Variants in CCSER1 observed in about 807,000 individuals in gnomAD.
CCSER1 encodes coiled-coil serine rich protein 1, also known as serine-rich coiled-coil domain-containing protein 1.
Under a neutral mutation model 82.0 loss-of-function variants are expected in CCSER1, and 41 were observed. The observed-to-expected ratio is 0.50, with a 90% CI of 0.39 to 0.65. The LOEUF is 0.65. CCSER1 is among the 30% of genes least tolerant of loss of function. The pLI is 0.00. For missense variants in CCSER1, 1,119 were observed against 1,064.2 expected (o/e 1.05, Z -0.72); for synonymous variants, 414 against 383.9 (o/e 1.08, Z -0.92).
intron 1 of CCSER1, among the ~76,000 whole-genome samples, chr4:90,297,103 T>C (rs1732115577): frequency 6.6e-6 from 1 of 152,090 alleles, no homozygotes; most frequent in Non-Finnish European, 1.5e-5. Flanking sequence ...ATTTTCACAA[T>C]ATTGATTCTT....
intron 1 of CCSER1, among the ~76,000 whole-genome samples, chr4:90,226,738 C>T (rs776634960): frequency 7.9e-5 from 12 of 152,186 alleles, no homozygotes; most frequent in Non-Finnish European, 1.8e-4. Flanking sequence ...CTTGGTCTTC[C>T]TTCAAGAAAG....
intron 10 of CCSER1, among the ~76,000 whole-genome samples, chr4:91,427,051 C>T (rs547354229): frequency 3.7e-4 from 56 of 152,212 alleles, no homozygotes; most frequent in Middle Eastern, 3.4e-3. Context: ...GTATTCAACT[C>T]TAGCAGCTAG....
At chr4:90,623,458 G>A (rs962188200) in intron 5 of CCSER1, among the ~76,000 whole-genome samples, 3 of 152,206 alleles carry the variant, frequency 2.0e-5, no homozygotes, top group East Asian at 3.9e-4. Flanking sequence ...AAAGAGCAAA[G>A]AGGCAGCTGT....
chr4:91,572,471 T>A (rs2110288196), intron 10 of CCSER1, among the ~76,000 whole-genome samples: 1 of 152,176 alleles, frequency 6.6e-6, no homozygotes, highest in Admixed American at 6.5e-5. Flanking sequence ...CCTGGTTGCC[T>A]CAAACACTTC....
chr4:90,930,960 T>TG (rs1296866323), intron 9 of CCSER1, among the ~76,000 whole-genome samples: 2 of 139,250 alleles, frequency 1.4e-5, no homozygotes, highest in African/African-American at 5.5e-5. Flanking sequence ...TATATATACA[T>TG]ACATGATACA....
chr4:90,562,854 A>T (rs866718321), intron 5 of CCSER1, among the ~76,000 whole-genome samples: 4,071 of 144,366 alleles, frequency 0.028, 179 homozygotes, highest in African/African-American at 0.098. Context: ...TTTTTTTTTA[A>T]AAAAAAAAAA....
rs140687661 is a variant in CCSER1, at chr4:90,579,341, G to A, written c.1725-48684G>A. ...CAATTTGAGGTGACGACTTTACTAA[G>A]TGTTCTCTAATCTGACTTTGTTTTC... On this transcript the variant is annotated intron_variant, in intron 5 of 10. Transcript: ENST00000509176. 2.3e-3 allele frequency among the ~76,000 whole-genome samples: 352 copies of A among 152,254 alleles called. 1 individual carries two copies. Among genetic ancestry groups the A allele is most frequent in the African/African-American group, 7.7e-3 (319 of 41,544 alleles).
intron 3 of CCSER1, among the ~76,000 whole-genome samples, chr4:90,354,734 G>A (rs1020834755): frequency 6.6e-6 from 1 of 152,024 alleles, no homozygotes; most frequent in Admixed American, 6.6e-5. Context: ...ATCATTTTAA[G>A]TACTACAAGA....
chr4:90,411,798 C>A (rs750333698), intron 4 of CCSER1, among the ~76,000 whole-genome samples: 431 of 152,156 alleles, frequency 2.8e-3, no homozygotes, highest in Non-Finnish European at 5.0e-3. Flanking sequence ...AAGGAAATAG[C>A]GGGCATTCAA....
intron 5 of CCSER1, among the ~76,000 whole-genome samples, chr4:90,545,714 C>T (rs1776675980): frequency 6.6e-6 from 1 of 152,102 alleles, no homozygotes; most frequent in Non-Finnish European, 1.5e-5. Flanking sequence ...TTGGTTCAAG[C>T]ATGAATATCT....
At chr4:90,766,228 A>G (rs1030859010) in intron 7 of CCSER1, among the ~76,000 whole-genome samples, 1 of 152,130 alleles carries the variant, frequency 6.6e-6, no homozygotes, top group Non-Finnish European at 1.5e-5. Flanking sequence ...GAGTCTTCCT[A>G]GTGCAGATGA....
At chr4:90,573,108 G>A (rs1780308394) in intron 5 of CCSER1, among the ~76,000 whole-genome samples, 1 of 152,216 alleles carries the variant, frequency 6.6e-6, no homozygotes, top group Non-Finnish European at 1.5e-5. Flanking sequence ...AACTCAGTGC[G>A]CCTGTAGTGG....
chr4:90,880,216 G>A (rs923796935), intron 8 of CCSER1, among the ~76,000 whole-genome samples: 5 of 152,112 alleles, frequency 3.3e-5, no homozygotes, highest in Admixed American at 1.3e-4. Flanking sequence ...GTATCTCTCC[G>A]GTGATCTCAG....
chr4:91,490,690 T>C (rs1167102213), intron 10 of CCSER1, among the ~76,000 whole-genome samples: 1 of 150,288 alleles, frequency 6.7e-6, no homozygotes, highest in African/African-American at 2.4e-5. Flanking sequence ...ACAACAGTTG[T>C]GCTACACTTA....
chr4:91,540,084 C>G (rs1761508985), intron 10 of CCSER1, among the ~76,000 whole-genome samples: 1 of 152,054 alleles, frequency 6.6e-6, no homozygotes, highest in South Asian at 2.1e-4. Flanking sequence ...TGATATACTT[C>G]AAGAGCTTTT....
intron 10 of CCSER1, among the ~76,000 whole-genome samples, chr4:91,154,310 C>A (rs1343704490): frequency 6.6e-6 from 1 of 152,084 alleles, no homozygotes; most frequent in Non-Finnish European, 1.5e-5. Flanking sequence ...CCCTCTGAGC[C>A]AGGCACGGGA....
At chr4:90,845,178 A>G (rs1580747697) in intron 8 of CCSER1, among the ~76,000 whole-genome samples, 1 of 151,836 alleles carries the variant, frequency 6.6e-6, no homozygotes. Context: ...GTGGCCAACA[A>G]GGTGAAACCC....
chr4:90,606,255 A>T (rs1784690755), intron 5 of CCSER1, among the ~76,000 whole-genome samples: 1 of 152,184 alleles, frequency 6.6e-6, no homozygotes, highest in Non-Finnish European at 1.5e-5. Flanking sequence ...ACAGTCTGAA[A>T]AATATGTCAT....
At chr4:91,533,725 G>GA (rs200854461) in intron 10 of CCSER1, among the ~76,000 whole-genome samples, 319 of 148,476 alleles carry the variant, frequency 2.1e-3, no homozygotes, top group African/African-American at 6.6e-3. Flanking sequence ...CAGGAAAAAT[G>GA]AAAAAAAAAA....
Sources: gnomAD v4.1 joint callset for allele counts (sites outside exome capture counted in the v4.1 genomes callset) on GRCh38, gnomAD v4.1.1 for gene constraint, MANE v1.5 for transcripts, NCBI Gene and HGNC (gene_info 2026-07-23, HGNC 2026-07-21) for gene names.